EPDR1: variants seen among roughly 807,000 people sequenced by gnomAD.
The protein encoded by EPDR1 is ependymin related 1.
In EPDR1, 27 loss-of-function variants were observed where a neutral mutation model predicts 23.7. The ratio of observed to expected loss-of-function variants is 1.14; its 90% CI spans 0.84 to 1.57. The LOEUF is 1.57. EPDR1 is among the 40% of genes most tolerant of loss of function. The pLI, the probability that EPDR1 is intolerant of heterozygous loss-of-function variation, is 0.00. For missense variants in EPDR1, 349 were observed against 290.4 expected (o/e 1.20, Z -1.47); for synonymous variants, 137 against 118.2 (o/e 1.16, Z -1.03).
chr7:37,947,182 A>G (rs913251965), intron 1 of EPDR1, among the ~76,000 whole-genome samples: 9 of 152,046 alleles, frequency 5.9e-5, no homozygotes, highest in African/African-American at 2.2e-4. Context: ...CATTTTTTAT[A>G]TTTTATCCCA....
intron 1 of EPDR1, among the ~76,000 whole-genome samples, chr7:37,933,452 T>C (rs554894026): frequency 1.3e-5 from 2 of 152,374 alleles, no homozygotes; most frequent in South Asian, 4.1e-4. Flanking sequence ...ATGAGTCTGG[T>C]TGATCCCGTA....
intron 1 of EPDR1, among the ~76,000 whole-genome samples, chr7:37,947,917 G>A (rs2290222): frequency 0.12 from 18,821 of 152,230 alleles, 1,310 homozygotes; most frequent in South Asian, 0.28. Flanking sequence ...AGAGCATGGA[G>A]AGAAACTCAG....
At chr7:37,946,686 G>A (rs1786283241) in intron 1 of EPDR1, among the ~76,000 whole-genome samples, 2 of 152,298 alleles carry the variant, frequency 1.3e-5, no homozygotes. Flanking sequence ...GGCCCTGACA[G>A]CCTTCCAGTG....
At chr7:37,932,983 T>C (rs139207106) in intron 1 of EPDR1, among the ~76,000 whole-genome samples, 174 of 152,366 alleles carry the variant, frequency 1.1e-3, no homozygotes, top group African/African-American at 4.1e-3. Flanking sequence ...ATGGCAAACA[T>C]AATTATTCTT....
At chr7:37,943,539 G>A (rs1786212381) in intron 1 of EPDR1, among the ~76,000 whole-genome samples, 1 of 152,154 alleles carries the variant, frequency 6.6e-6, no homozygotes, top group South Asian at 2.1e-4. Flanking sequence ...TCATTAAAAT[G>A]TTTTCTAAAA....
chr7:37,943,740 C>T (rs1284752483), intron 1 of EPDR1, among the ~76,000 whole-genome samples: 1 of 152,142 alleles, frequency 6.6e-6, no homozygotes, highest in Non-Finnish European at 1.5e-5. Context: ...GTACAGAGAA[C>T]ACCAAAACGA....
Position 37,921,226 on chromosome 7 carries a change from G to A in EPDR1, c.269+18G>A, listed in dbSNP as rs1430217322. ...TGCAAGAGGTACAGGTCATCGGCCC[G>A]CGGGGCGGGAGTAGGGAGCCGCGCG... is the stretch of plus-strand genomic sequence containing the variant. On this transcript the variant is annotated intron_variant, in intron 1 of 2. Transcript: ENST00000199448. The A allele has an allele frequency of 1.3e-6, 2 of 1,572,312 alleles. No individual in the cohort carries two copies. Among genetic ancestry groups the A allele is most frequent in the Non-Finnish European group, 1.7e-6 (2 of 1,169,640 alleles).
intron 1 of EPDR1, among the ~76,000 whole-genome samples, chr7:37,947,003 T>C (rs1230466829): frequency 1.3e-5 from 2 of 152,194 alleles, no homozygotes; most frequent in Non-Finnish European, 2.9e-5. Flanking sequence ...AACATAGTTT[T>C]TATAAATTTA....
chr7:37,946,203 G>A (rs1354032955), intron 1 of EPDR1, among the ~76,000 whole-genome samples: 3 of 152,182 alleles, frequency 2.0e-5, no homozygotes, highest in Non-Finnish European at 2.9e-5. Context: ...AGGTATGCAT[G>A]TATCTTTAGA....
chr7:37,920,750 CCCGGCTACCGGGACTCGCGCGTCCGG>C lies in EPDR1; in HGVS notation c.-189_-164del. 6.2e-7 allele frequency: 1 copy of C among 1,609,486 alleles called. No homozygotes were observed. On this transcript the variant is annotated 5_prime_UTR_variant, in exon 1 of 3. Transcript: ENST00000199448. ...ACTGGAGCCTTCCCCGGGCCCTGGT[CCCGGCTACCGGGACTCGCGCGTCCGG>C]ATCTCAAAAGCGGCAGAGGCCACCG...
intron 1 of EPDR1, among the ~76,000 whole-genome samples, chr7:37,941,251 T>C (rs921183843): frequency 5.9e-5 from 9 of 152,216 alleles, no homozygotes; most frequent in Admixed American, 1.3e-4. Flanking sequence ...AAATAATTGA[T>C]TCAGGAAACG....
At chr7:37,921,997 A>C (rs78368583) in intron 1 of EPDR1, among the ~76,000 whole-genome samples, 1 of 152,284 alleles carries the variant, frequency 6.6e-6, no homozygotes, top group African/African-American at 2.4e-5. Context: ...TGTTGTGACA[A>C]AGGAAACCCT....
At chr7:37,929,195 G>A (rs1434446607) in intron 1 of EPDR1, among the ~76,000 whole-genome samples, 5 of 152,148 alleles carry the variant, frequency 3.3e-5, no homozygotes, top group African/African-American at 4.8e-5. Context: ...CCCCCTCACT[G>A]CTTTATATTA....
In EPDR1 at chr7:37,951,837, A is replaced by G. The variant is rs1294556414; in HGVS notation, c.*1441A>G. On this transcript the variant is annotated 3_prime_UTR_variant, in exon 3 of 3. Coordinates refer to ENST00000199448, the MANE Select transcript of EPDR1 (RefSeq NM_017549.5). Reference sequence around the variant, plus strand: ...AACAAATTTAATTGCATTTTAAAGCATTCTTTGATACTGTTGCTTTTGCAA... The same window carrying G: ...AACAAATTTAATTGCATTTTAAAGCGTTCTTTGATACTGTTGCTTTTGCAA... 1 of 152,178 alleles carries G rather than the reference A, an allele frequency of 6.6e-6. No individual in the cohort carries two copies. Among genetic ancestry groups the G allele is most frequent in the Non-Finnish European group, 1.5e-5 (1 of 68,024 alleles). The allele number at this position is 152,178 out of a possible 1,614,324, so 9.4% of individuals were successfully genotyped here.
chr7:37,939,586 G>A (rs558798391), intron 1 of EPDR1, among the ~76,000 whole-genome samples: 1 of 152,172 alleles, frequency 6.6e-6, no homozygotes, highest in South Asian at 2.1e-4. Flanking sequence ...ACTAGATCCT[G>A]TTTAGGCATG....
At chr7:37,948,800 A>G (rs1786334201) in intron 1 of EPDR1, 40 bp from the exon 2 acceptor site, 2 of 1,550,076 alleles carry the variant, frequency 1.3e-6, no homozygotes, top group Non-Finnish European at 1.8e-6. Flanking sequence ...GAGGATGGTA[A>G]CATGAAGTCC....
intron 1 of EPDR1, 193 bp downstream of exon 1, chr7:37,921,401 A>C: frequency 1.4e-6 from 2 of 1,389,872 alleles, no homozygotes; most frequent in Non-Finnish European, 1.9e-6. Flanking sequence ...GCGCCCACCG[A>C]GGGCGGCCTG....
At chr7:37,930,394 T>A (rs1003213693) in intron 1 of EPDR1, among the ~76,000 whole-genome samples, 1 of 152,056 alleles carries the variant, frequency 6.6e-6, no homozygotes, top group African/African-American at 2.4e-5. Flanking sequence ...TTATGAGGAG[T>A]ATCTGAGTAC....
At chr7:37,939,144 A>G (rs907654350) in intron 1 of EPDR1, among the ~76,000 whole-genome samples, 2 of 151,786 alleles carry the variant, frequency 1.3e-5, no homozygotes, top group African/African-American at 4.8e-5. Flanking sequence ...ACACCCGGCT[A>G]ATTTTTTTGT....
Sources: gnomAD v4.1 joint callset for allele counts (sites outside exome capture counted in the v4.1 genomes callset) on GRCh38, gnomAD v4.1.1 for gene constraint, MANE v1.5 for transcripts, NCBI Gene and HGNC (gene_info 2026-07-23, HGNC 2026-07-21) for gene names.